FREM2: variants seen among roughly 807,000 people sequenced by gnomAD.
FREM2 encodes FRAS1-related extracellular matrix protein 2.
Under a neutral mutation model 219.9 loss-of-function variants are expected in FREM2, and 119 were observed. The observed-to-expected ratio is 0.54, with a 90% confidence interval of 0.47 to 0.63. The LOEUF is 0.63. Among genes scored for constraint, FREM2 ranks in the 30% least tolerant of loss-of-function variants. The probability of loss-of-function intolerance (pLI) is 0.00; values close to 1 mark genes in which losing one functional copy is unlikely to be tolerated. For synonymous variants in FREM2, 1,562 were observed against 1,522.8 expected (o/e 1.03, Z -0.60); for missense variants, 4,030 against 3,993.6 (o/e 1.01, Z -0.25).
intron 1 of FREM2, among the ~76,000 whole-genome samples, chr13:38,695,334 T>A (rs1262899693): frequency 6.6e-6 from 1 of 152,146 alleles, no homozygotes; most frequent in Non-Finnish European, 1.5e-5. Context: ...TATAAAAGGT[T>A]TTAGTATGTT....
intron 6 of FREM2, among the ~76,000 whole-genome samples, chr13:38,796,084 A>G (rs748649936): frequency 3.7e-4 from 57 of 152,084 alleles, no homozygotes; most frequent in Non-Finnish European, 7.6e-4. Flanking sequence ...GGTGGCTGGC[A>G]AATCAGGTTT....
intron 13 of FREM2, among the ~76,000 whole-genome samples, 186 bp from the exon 14 acceptor site, chr13:38,859,101 C>G (rs1211401357): frequency 6.6e-6 from 1 of 152,106 alleles, no homozygotes; most frequent in Non-Finnish European, 1.5e-5. Flanking sequence ...ATCCAATAAG[C>G]TGTTTGAAAT....
At chr13:38,812,422 G>A (rs547198273) in intron 6 of FREM2, among the ~76,000 whole-genome samples, 160 of 152,130 alleles carry the variant, frequency 1.1e-3, no homozygotes, top group African/African-American at 3.4e-3. Context: ...CTGTTGGTAC[G>A]CTTTAATGTC....
At chr13:38,874,158 A>G (rs993405414) in intron 17 of FREM2, among the ~76,000 whole-genome samples, 1 of 152,176 alleles carries the variant, frequency 6.6e-6, no homozygotes, top group African/African-American at 2.4e-5. Context: ...AATCTCCATC[A>G]TTTTGACAAT....
chr13:38,785,761 G>C (rs528669802), intron 6 of FREM2, among the ~76,000 whole-genome samples: 1 of 152,238 alleles, frequency 6.6e-6, no homozygotes, highest in East Asian at 1.9e-4. Context: ...CTTTTAAAAA[G>C]ACCTTTGCAT....
chr13:38,877,699 G>T (rs1378994011), intron 21 of FREM2, among the ~76,000 whole-genome samples: 1 of 152,010 alleles, frequency 6.6e-6, no homozygotes, highest in East Asian at 1.9e-4. Context: ...ACACCAGGGG[G>T]TTTCATTAAA....
At chr13:38,757,150 G>A (rs1873043047) in intron 2 of FREM2, among the ~76,000 whole-genome samples, 1 of 152,132 alleles carries the variant, frequency 6.6e-6, no homozygotes, top group South Asian at 2.1e-4. Context: ...AGATGAATAG[G>A]AATTTCAGTC....
At chr13:38,756,946 G>T (rs1473676812) in intron 2 of FREM2, among the ~76,000 whole-genome samples, 1 of 152,110 alleles carries the variant, frequency 6.6e-6, no homozygotes, top group Admixed American at 6.5e-5. Flanking sequence ...TTTACAGCAT[G>T]AGAGCTGAAA....
In FREM2 at chr13:38,688,044, C is replaced by T. The variant is rs745435644; in HGVS notation, c.700C>T (p.Leu234Phe). 1.2e-6 allele frequency: 2 copies of T among 1,608,914 alleles called. No individual in the cohort carries two copies. The highest frequency in any genetic ancestry group is 1.7e-6 in the Non-Finnish European group (2 of 1,176,146). The change falls in exon 1 of 24, where the codon CTC (leucine) becomes TTC (phenylalanine). Residue 234 changes from leucine (L) to phenylalanine (F), a missense_variant. Leu to Phe is a conservative substitution (Grantham distance 22). Around this residue, in one of 2 missense-constraint regions of FREM2, gnomAD observed 3,102 missense variants for 2,950.7 expected, o/e 1.05. Transcript: ENST00000280481. ...LGALPRYGEL[L>F]HYPQVPGGAR... ...CGCGCTGCCTCGCTATGGAGAACTC[C>T]TCCACTACCCGCAGGTCCCTGGAGG...
Position 38,886,185 on chromosome 13 carries a change from A to C in FREM2, c.*5398A>C, listed in dbSNP as rs971462677. 4 of 152,198 alleles carry C rather than the reference A, an allele frequency of 2.6e-5. No homozygotes were observed. Among genetic ancestry groups the C allele is most frequent in the Non-Finnish European group, 4.4e-5 (3 of 68,030 alleles). The allele number at this position is 152,198 out of a possible 1,614,324, so 9.4% of individuals were successfully genotyped here. A position where few individuals can be genotyped will look rare whatever the true frequency, so the allele number is the denominator to read the frequency against. On this transcript the variant is annotated 3_prime_UTR_variant, in exon 24 of 24. Coordinates refer to ENST00000280481, the MANE Select transcript of FREM2 (RefSeq NM_207361.6). ...TAAAAGTAAAGAGCAGTACAATAAAAATCACTTAAAATAGAGAAAGGCAAC... is the reference window on the plus strand; with the variant it reads ...TAAAAGTAAAGAGCAGTACAATAAACATCACTTAAAATAGAGAAAGGCAAC...
At chr13:38,693,812 C>T (rs527592775) in intron 1 of FREM2, among the ~76,000 whole-genome samples, 1 of 152,338 alleles carries the variant, frequency 6.6e-6, no homozygotes, top group Admixed American at 6.5e-5. Context: ...CACACTCCAA[C>T]CTCCTGATTC....
In FREM2 at chr13:38,874,508, A is replaced by T. The variant is rs747502418; in HGVS notation, c.8203A>T (p.Ile2735Phe). ...QGSLYPTSMR[I>F]GDEGRLAVHF... ...TTCTCTCTATCCAACCAGCATGCGC[A>T]TCGGTGATGAGGGGCGCTTGGCCGT... The change falls in exon 18 of 24, where the codon ATC (isoleucine) becomes TTC (phenylalanine). Residue 2735 changes from isoleucine (I) to phenylalanine (F), a missense_variant. Around this residue, in one of 2 missense-constraint regions of FREM2, gnomAD observed 928 missense variants for 1,042.9 expected, o/e 0.89. Coordinates refer to ENST00000280481, the MANE Select transcript of FREM2 (RefSeq NM_207361.6). 1 of 1,614,084 alleles carries T rather than the reference A, an allele frequency of 6.2e-7. No individual in the cohort carries two copies. Among genetic ancestry groups the T allele is most frequent in the South Asian group, 1.1e-5 (1 of 91,086 alleles).
intron 2 of FREM2, among the ~76,000 whole-genome samples, chr13:38,699,431 A>G (rs1172620640): frequency 6.6e-6 from 1 of 152,148 alleles, no homozygotes; most frequent in East Asian, 1.9e-4. Context: ...ATTTCAAAAT[A>G]TTAAGTGCAA....
chr13:38,818,739 G>C (rs1202988377), intron 6 of FREM2, among the ~76,000 whole-genome samples: 6 of 151,996 alleles, frequency 3.9e-5, no homozygotes, highest in African/African-American at 1.4e-4. Flanking sequence ...GAGGCAGGTG[G>C]ATCACCTGAG....
At chr13:38,851,638 A>G (rs1359630032) in intron 10 of FREM2, 48 bp from the exon 11 acceptor site, 14 of 1,350,278 alleles carry the variant, frequency 1.0e-5, no homozygotes, top group African/African-American at 1.4e-5. Context: ...GAGGAAAAGC[A>G]TTCCCCTTAC....
intron 2 of FREM2, among the ~76,000 whole-genome samples, chr13:38,736,347 G>T (rs114649932): frequency 1.3e-5 from 2 of 152,234 alleles, no homozygotes; most frequent in Admixed American, 6.5e-5. Context: ...AGAGGCTTAC[G>T]TATGAAGGGA....
intron 2 of FREM2, among the ~76,000 whole-genome samples, chr13:38,722,774 G>GTCCAC (rs147218961): frequency 1.0e-3 from 148 of 145,948 alleles, no homozygotes; most frequent in African/African-American, 3.3e-3. Flanking sequence ...CCTACTGCCT[G>GTCCAC]TCCACGTGAC....
Position 38,878,801 on chromosome 13 carries a change from AGCAATCACCACTTTCCT to A in FREM2, c.8860-29_8860-13del. On this transcript the variant is annotated splice_polypyrimidine_tract_variant and intron_variant, in intron 22 of 23. Transcript: ENST00000280481. ...TGGCAAAAGCCGTGGCATTATCTAC[AGCAATCACCACTTTCCT>A]TACTGCTTAAAGGACAAAGCTCAGC... 3 of 1,612,430 alleles carry A rather than the reference AGCAATCACCACTTTCCT, an allele frequency of 1.9e-6. No homozygotes were observed. Among genetic ancestry groups the A allele is most frequent in the Non-Finnish European group, 2.5e-6 (3 of 1,178,362 alleles).
chr13:38,751,884 G>GTT (rs1449685828), intron 2 of FREM2, among the ~76,000 whole-genome samples: 1 of 150,264 alleles, frequency 6.7e-6, no homozygotes, highest in East Asian at 2.0e-4. Flanking sequence ...GTGTGTGTGT[G>GTT]TGTGTGTGTG....
Sources: allele counts gnomAD v4.1 joint callset (sites outside exome capture counted in the v4.1 genomes callset), GRCh38; gene constraint gnomAD v4.1.1; regional missense constraint gnomAD v4.1.1; transcripts MANE v1.5; gene names NCBI Gene and HGNC (gene_info 2026-07-23, HGNC 2026-07-21).